The following ATP9B variants were observed in gnomAD, a reference collection of about 807,000 sequenced individuals.
ATP9B encodes ATPase phospholipid transporting 9B.
In ATP9B, 110 loss-of-function variants were observed where a neutral mutation model predicts 146.1. That is an observed-to-expected ratio of 0.75 (90% CI 0.65 to 0.88). The LOEUF is 0.88. Ranked by LOEUF, ATP9B falls within the 40% of genes least tolerant of loss-of-function variation. The probability of loss-of-function intolerance (pLI) is 0.00; values close to 1 mark genes in which losing one functional copy is unlikely to be tolerated. For missense variants in ATP9B, 1,499 were observed against 1,496.4 expected, an observed-to-expected ratio of 1.00 and a Z score of -0.03; for synonymous variants, 604 against 569.7, an observed-to-expected ratio of 1.06 and a Z score of -0.86.
rs558797263 is a variant in ATP9B, at chr18:79,109,827, A to G, written c.294-528A>G. Among the ~76,000 whole-genome samples, 9 of 152,178 alleles carry G rather than the reference A, an allele frequency of 5.9e-5. No homozygotes were observed. In the South Asian group the frequency reaches 1.5e-3, roughly 25 times the overall value. On this transcript the variant is annotated intron_variant, in intron 2 of 29. Transcript: ENST00000426216. ...GTGATCCGCCTGCCTCGGCCTCCCA[A>G]AGTGCTGGGATTACCGATGTGAGCC...
chr18:79,101,605 T>G (rs1211334362), intron 2 of ATP9B, among the ~76,000 whole-genome samples: 1 of 152,186 alleles, frequency 6.6e-6, no homozygotes, highest in African/African-American at 2.4e-5. Flanking sequence ...TTTAAGAAAC[T>G]GCCAAAATAT....
rs562406193 is a variant in ATP9B, at chr18:79,286,472, T to C, written c.1411+9276T>C. ...GTGATTTTTGTACATTGATTTTGTATCCTGAGACTTTGCTGAAGTTGCTTA... is the reference window on the plus strand; with the variant it reads ...GTGATTTTTGTACATTGATTTTGTACCCTGAGACTTTGCTGAAGTTGCTTA... On this transcript the variant is annotated intron_variant, in intron 13 of 29. Coordinates refer to ENST00000426216, the MANE Select transcript of ATP9B (RefSeq NM_198531.5). Among the ~76,000 whole-genome samples, 5 of 152,282 alleles carry C rather than the reference T, an allele frequency of 3.3e-5. 1 individual carries two copies. The highest frequency in any genetic ancestry group is 1.2e-4 in the African/African-American group (5 of 41,556).
In ATP9B at chr18:79,181,854, A is replaced by G. The variant is rs531284570; in HGVS notation, c.873+4947A>G. On this transcript the variant is annotated intron_variant, in intron 8 of 29. Coordinates refer to ENST00000426216, the MANE Select transcript of ATP9B (RefSeq NM_198531.5). ...CGGTTTGTAATGCTTAATTCCATGT[A>G]TGTTAAAACTCCTTTATCTCTGTCA... 2.7e-4 allele frequency among the ~76,000 whole-genome samples: 41 copies of G among 152,220 alleles called. No individual in the cohort carries two copies. The South Asian group carries it at 7.7e-3, about 28-fold the overall frequency.
intron 11 of ATP9B, among the ~76,000 whole-genome samples, chr18:79,224,690 A>C (rs949507777): frequency 6.6e-6 from 1 of 152,136 alleles, no homozygotes; most frequent in African/African-American, 2.4e-5. Flanking sequence ...GTCGCTGCCA[A>C]TGTCTGTTGG....
intron 12 of ATP9B, among the ~76,000 whole-genome samples, chr18:79,276,272 C>T (rs953840663): frequency 2.0e-5 from 3 of 152,256 alleles, no homozygotes; most frequent in African/African-American, 7.2e-5. Flanking sequence ...GCCTTCTGCT[C>T]CACTCCACTG....
chr18:79,230,139 ATAAATT>A (rs1274566362), intron 11 of ATP9B, among the ~76,000 whole-genome samples: 1 of 152,240 alleles, frequency 6.6e-6, no homozygotes, highest in Non-Finnish European at 1.5e-5. Context: ...ATAAAAATAT[ATAAATT>A]TAGTATTAAC....
rs150513432 is a variant in ATP9B, at chr18:79,138,987, G to A, written c.668-4815G>A. On this transcript the variant is annotated intron_variant, in intron 5 of 29. Coordinates refer to ENST00000426216, the MANE Select transcript of ATP9B (RefSeq NM_198531.5). ...AGAGGCTGAGGTGGGGGGATCACCC[G>A]AGCCAGGGAGATCGAGGCCACAGTG... Among the ~76,000 whole-genome samples the A allele has an allele frequency of 6.5e-3, 993 of 152,220 alleles. 14 individuals carry two copies. Among genetic ancestry groups the A allele is most frequent in the African/African-American group, 0.023 (951 of 41,514 alleles).
chr18:79,198,348 C>T (rs1373483115), intron 9 of ATP9B, among the ~76,000 whole-genome samples: 5 of 152,132 alleles, frequency 3.3e-5, no homozygotes, highest in Non-Finnish European at 7.4e-5. Context: ...CTAATCAAAG[C>T]TGGAGTTACT....
intron 11 of ATP9B, among the ~76,000 whole-genome samples, chr18:79,215,016 C>T (rs1235292655): frequency 2.6e-5 from 4 of 151,844 alleles, no homozygotes; most frequent in South Asian, 2.1e-4. Context: ...GGCATGATGA[C>T]GGGTGCCTGT....
intron 28 of ATP9B, chr18:79,374,317 C>T (rs1035798906): frequency 3.9e-6 from 2 of 518,532 alleles, no homozygotes; most frequent in South Asian, 4.1e-5. Context: ...CGCTGAGCCC[C>T]GTCGGTCACT....
At chr18:79,297,071 T>TGACCCAGAGAGGAGACACAGAC (rs2096555543) in intron 13 of ATP9B, among the ~76,000 whole-genome samples, 1 of 107,610 alleles carries the variant, frequency 9.3e-6, no homozygotes, top group Non-Finnish European at 1.8e-5. Context: ...GACAGAGAGA[T>TGACCCAGAGAGGAGACACAGAC]GACCCAGAGA....
chr18:79,267,608 C>T (rs2096216118), intron 12 of ATP9B, among the ~76,000 whole-genome samples: 1 of 151,994 alleles, frequency 6.6e-6, no homozygotes, highest in African/African-American at 2.4e-5. Context: ...CATCTTTGAC[C>T]CATGCTTATT....
chr18:79,088,821 A>G (rs577653567), intron 1 of ATP9B, among the ~76,000 whole-genome samples: 1 of 152,286 alleles, frequency 6.6e-6, no homozygotes, highest in Non-Finnish European at 1.5e-5. Flanking sequence ...CTTTGTAGAG[A>G]AATCTTGAAC....
chr18:79,075,974 A>G (rs1430712901), intron 1 of ATP9B, among the ~76,000 whole-genome samples: 2 of 152,180 alleles, frequency 1.3e-5, no homozygotes, highest in Non-Finnish European at 2.9e-5. Flanking sequence ...TACATTACAT[A>G]TACATAACTC....
chr18:79,323,899 C>T (rs934044803), intron 15 of ATP9B, among the ~76,000 whole-genome samples: 9 of 152,220 alleles, frequency 5.9e-5, no homozygotes, highest in African/African-American at 1.9e-4. Context: ...CAGAGGGCTG[C>T]ACGAATTTAC....
intron 1 of ATP9B, among the ~76,000 whole-genome samples, chr18:79,071,399 C>CTATTTTTTTTTTTTTTTTTTT (rs2071773395): frequency 1.4e-5 from 1 of 69,268 alleles, no homozygotes; most frequent in Non-Finnish European, 2.8e-5. Context: ...ATTGTTCTTC[C>CTATTTTTTTTTTTTTTTTTTT]TTTTTTTTTT....
At chr18:79,280,729 C>T (rs1334130417) in intron 13 of ATP9B, among the ~76,000 whole-genome samples, 2 of 151,756 alleles carry the variant, frequency 1.3e-5, no homozygotes, top group Admixed American at 6.6e-5. Context: ...AAATTTGATA[C>T]ATACTAGGCC....
At chr18:79,084,343 A>G (rs1016829958) in intron 1 of ATP9B, among the ~76,000 whole-genome samples, 6 of 151,974 alleles carry the variant, frequency 3.9e-5, no homozygotes, top group Non-Finnish European at 8.8e-5. Flanking sequence ...CACCATATCT[A>G]TAGAGTTTTT....
At chr18:79,212,940 C>T (rs2095597336) in intron 10 of ATP9B, among the ~76,000 whole-genome samples, 1 of 152,114 alleles carries the variant, frequency 6.6e-6, no homozygotes, top group African/African-American at 2.4e-5. Flanking sequence ...TCACATCTTC[C>T]ACCTTCCTAG....
Sources: allele counts gnomAD v4.1 joint callset (sites outside exome capture counted in the v4.1 genomes callset), GRCh38; gene constraint gnomAD v4.1.1; transcripts MANE v1.5; gene names NCBI Gene and HGNC (gene_info 2026-07-23, HGNC 2026-07-21).